Variants in COL14A1 observed in about 807,000 individuals in gnomAD.
The protein encoded by COL14A1 is collagen type XIV alpha 1 chain.
Under a neutral mutation model 230.3 loss-of-function variants are expected in COL14A1, and 136 were observed. The observed-to-expected ratio is 0.59, with a 90% confidence interval of 0.51 to 0.68. The LOEUF is 0.68. Ranked by LOEUF, COL14A1 falls within the 30% of genes least tolerant of loss-of-function variation. The pLI is 0.00. For synonymous variants in COL14A1, 792 were observed against 784.1 expected, an observed-to-expected ratio of 1.01 and a Z score of -0.17; for missense variants, 1,976 against 2,215.8, an observed-to-expected ratio of 0.89 and a Z score of 2.17.
At chr8:120,158,065 T>A (rs1286079636) in intron 2 of COL14A1, 65 bp from the exon 3 acceptor site, 1 of 879,428 alleles carries the variant, frequency 1.1e-6, no homozygotes, top group Non-Finnish European at 1.8e-6. Flanking sequence ...ACTTTGACTT[T>A]CTGATTTAAC....
chr8:120,231,691 T>G (rs1028056773), intron 19 of COL14A1, 73 bp downstream of exon 19: 11 of 1,479,312 alleles, frequency 7.4e-6, no homozygotes, highest in South Asian at 1.3e-5. Flanking sequence ...TCTTCGGAGA[T>G]CAATGCAAAC....
chr8:120,310,056 T>C lies in COL14A1; in HGVS notation c.4449T>C (p.Gly1483=). 6.2e-7 allele frequency: 1 copy of C among 1,613,266 alleles called. No homozygotes were observed. Among genetic ancestry groups the C allele is most frequent in the Non-Finnish European group, 8.5e-7 (1 of 1,179,422 alleles). Residue 1483 remains glycine (G), a synonymous_variant, in exon 37 of 48, where the codon GGT becomes GGC. Transcript: ENST00000297848. The stretch of plus-strand genomic sequence containing the variant: ...CAAAGGGCCAGCAAGGTGAACCGGG[T>C]CCAAAGGTAATGCGCATGTTTTCTC... ...RGPKGQQGEP[G]PKGPDGPRGE... is the part of the protein sequence containing the mutation.
At chr8:120,201,698 G>C (rs1310035694) in intron 8 of COL14A1, among the ~76,000 whole-genome samples, 1 of 152,116 alleles carries the variant, frequency 6.6e-6, no homozygotes, top group Non-Finnish European at 1.5e-5. Flanking sequence ...CCCTGTCCTA[G>C]ATTTGCTATT....
At chr8:120,166,032 C>T (rs548808835) in intron 4 of COL14A1, among the ~76,000 whole-genome samples, 2 of 152,148 alleles carry the variant, frequency 1.3e-5, no homozygotes, top group South Asian at 4.2e-4. Flanking sequence ...CTGCATAGTC[C>T]CTGCAGAGAA....
At chr8:120,157,369 C>A (rs192166734) in intron 2 of COL14A1, among the ~76,000 whole-genome samples, 1 of 152,220 alleles carries the variant, frequency 6.6e-6, no homozygotes, top group African/African-American at 2.4e-5. Context: ...TAATAGCCCT[C>A]TCAAATTATC....
chr8:120,326,378 A>G (rs969580364), intron 40 of COL14A1, among the ~76,000 whole-genome samples: 3 of 152,224 alleles, frequency 2.0e-5, no homozygotes, highest in African/African-American at 7.2e-5. Context: ...GTAAACTCTT[A>G]GAAGAGTGAC....
At chr8:120,314,283 AG>A (rs1302247039) in intron 38 of COL14A1, among the ~76,000 whole-genome samples, 1 of 152,210 alleles carries the variant, frequency 6.6e-6, no homozygotes, top group Non-Finnish European at 1.5e-5. Flanking sequence ...GGAAGAACAA[AG>A]CTTAGCATGT....
At chr8:120,214,240 C>T (rs12547117) in intron 13 of COL14A1, among the ~76,000 whole-genome samples, 78,553 of 151,922 alleles carry the variant, frequency 0.52, 20,685 homozygotes, top group East Asian at 0.63. Context: ...ATTCTAATTG[C>T]TCTTCTGTTC....
intron 1 of COL14A1, among the ~76,000 whole-genome samples, chr8:120,128,054 C>G (rs538501295): frequency 3.5e-4 from 53 of 152,282 alleles, no homozygotes; most frequent in African/African-American, 1.3e-3. Flanking sequence ...TTCTTCTTGG[C>G]AGGTTTGCCC....
At chr8:120,212,640 T>G in intron 13 of COL14A1, 63 bp downstream of exon 13, 1 of 1,589,430 alleles carries the variant, frequency 6.3e-7, no homozygotes, top group Non-Finnish European at 8.6e-7. Flanking sequence ...GTGGGGATTC[T>G]GAATTGGAAC....
intron 14 of COL14A1, among the ~76,000 whole-genome samples, chr8:120,219,632 A>G (rs1487776811): frequency 1.3e-5 from 2 of 152,092 alleles, no homozygotes; most frequent in East Asian, 3.8e-4. Flanking sequence ...TCTTAATACT[A>G]CTGCATTGGG....
intron 45 of COL14A1, among the ~76,000 whole-genome samples, chr8:120,355,598 A>G (rs1822953124): frequency 6.6e-6 from 1 of 151,938 alleles, no homozygotes; most frequent in Non-Finnish European, 1.5e-5. Context: ...TTTTTAGTAG[A>G]GACGGGGTTT....
At chr8:120,136,972 A>G (rs1243219606) in intron 1 of COL14A1, among the ~76,000 whole-genome samples, 2 of 151,250 alleles carry the variant, frequency 1.3e-5, no homozygotes, top group Non-Finnish European at 3.0e-5. Flanking sequence ...AAAAAAAAAA[A>G]AAAAAAAAAA....
At chr8:120,360,941 C>T (rs1259825677) in intron 45 of COL14A1, among the ~76,000 whole-genome samples, 2 of 152,156 alleles carry the variant, frequency 1.3e-5, no homozygotes, top group African/African-American at 4.8e-5. Context: ...AAACCCCACC[C>T]CTGCCTCCTC....
At chr8:120,262,192 G>A (rs146811129) in intron 23 of COL14A1, among the ~76,000 whole-genome samples, 1 of 152,134 alleles carries the variant, frequency 6.6e-6, no homozygotes, top group East Asian at 1.9e-4. Context: ...AAAAAAATAG[G>A]CCAGGCATGG....
chr8:120,184,704 G>T (rs566475287), intron 5 of COL14A1, among the ~76,000 whole-genome samples: 1 of 152,258 alleles, frequency 6.6e-6, no homozygotes, highest in East Asian at 1.9e-4. Flanking sequence ...GATAGTATAA[G>T]TTCTAATCCA....
At chr8:120,298,807 T>G (rs1274606885) in intron 35 of COL14A1, among the ~76,000 whole-genome samples, 1 of 151,048 alleles carries the variant, frequency 6.6e-6, no homozygotes, top group Non-Finnish European at 1.5e-5. Flanking sequence ...CGTATTAGTT[T>G]GTTCTCATGC....
intron 12 of COL14A1, among the ~76,000 whole-genome samples, chr8:120,210,155 T>A (rs1212951177): frequency 6.6e-6 from 1 of 152,184 alleles, no homozygotes; most frequent in African/African-American, 2.4e-5. Context: ...GTTGTGAAGC[T>A]CTTTCCATGT....
chr8:120,320,952 A>G (rs557767326), intron 40 of COL14A1, among the ~76,000 whole-genome samples: 1 of 152,348 alleles, frequency 6.6e-6, no homozygotes, highest in East Asian at 1.9e-4. Flanking sequence ...CAAAGAATCT[A>G]AAGCTCAGAA....
Sources: gnomAD v4.1 joint callset for allele counts (sites outside exome capture counted in the v4.1 genomes callset) on GRCh38, gnomAD v4.1.1 for gene constraint, MANE v1.5 for transcripts, NCBI Gene and HGNC (gene_info 2026-07-23, HGNC 2026-07-21) for gene names.